CDK13: variants seen among roughly 807,000 people sequenced by gnomAD.
The protein encoded by CDK13 is cyclin-dependent kinase 13.
In CDK13, 40 loss-of-function variants were observed where a neutral mutation model predicts 137.6. The ratio of observed to expected loss-of-function variants is 0.29; its 90% CI spans 0.23 to 0.38. The LOEUF is 0.38. Among genes scored for constraint, CDK13 ranks in the 10% least tolerant of loss-of-function variants. The probability of loss-of-function intolerance (pLI) is 1.00; values close to 1 mark genes in which losing one functional copy is unlikely to be tolerated. For missense variants in CDK13, 1,704 were observed against 1,951.8 expected (o/e 0.87, Z 2.39); for synonymous variants, 869 against 760.1 (o/e 1.14, Z -2.36).
chr7:39,989,498 C>G (rs947661423), intron 2 of CDK13, among the ~76,000 whole-genome samples: 3 of 151,780 alleles, frequency 2.0e-5, no homozygotes, highest in Non-Finnish European at 2.9e-5. Context: ...TTAACACAAA[C>G]AAAAGTGAAA....
chr7:40,017,708 A>G (rs1024025288), intron 5 of CDK13, among the ~76,000 whole-genome samples: 3 of 151,782 alleles, frequency 2.0e-5, no homozygotes, highest in Non-Finnish European at 2.9e-5. Context: ...TTAAATCTTT[A>G]AATATGGTCA....
At chr7:40,000,990 A>T (rs1230087206) in intron 4 of CDK13, among the ~76,000 whole-genome samples, 1 of 152,130 alleles carries the variant, frequency 6.6e-6, no homozygotes, top group African/African-American at 2.4e-5. Flanking sequence ...GGAAGAACAT[A>T]TATTTTTGAG....
intron 6 of CDK13, among the ~76,000 whole-genome samples, chr7:40,046,418 C>G (rs533341287): frequency 6.6e-6 from 1 of 152,030 alleles, no homozygotes; most frequent in Admixed American, 6.6e-5. Context: ...TAGAGACGGG[C>G]GGATCACTTG....
At chr7:40,020,367 C>G (rs1056827101) in intron 5 of CDK13, among the ~76,000 whole-genome samples, 1 of 152,184 alleles carries the variant, frequency 6.6e-6, no homozygotes, top group Non-Finnish European at 1.5e-5. Context: ...TGCACCCGGC[C>G]CAAATTGTTT....
chr7:40,023,028 A>G (rs1327766274), intron 5 of CDK13, among the ~76,000 whole-genome samples: 1 of 151,788 alleles, frequency 6.6e-6, no homozygotes, highest in Non-Finnish European at 1.5e-5. Context: ...TTCTGAAATT[A>G]TCTTCCTTAG....
intron 12 of CDK13, among the ~76,000 whole-genome samples, chr7:40,090,639 C>T (rs192800636): frequency 1.6e-4 from 25 of 151,608 alleles, no homozygotes; most frequent in Non-Finnish European, 3.1e-4. Context: ...AATCCCAGCA[C>T]TCTGGGAGGC....
chr7:40,052,784 A>G (rs547478710), intron 7 of CDK13, among the ~76,000 whole-genome samples: 3 of 152,276 alleles, frequency 2.0e-5, no homozygotes, highest in South Asian at 4.1e-4. Flanking sequence ...TTTGTGTTTT[A>G]TGTTCCCTAA....
intron 1 of CDK13, among the ~76,000 whole-genome samples, chr7:39,979,919 TGTAGACAGC>T (rs1056010168): frequency 7.9e-5 from 12 of 152,132 alleles, no homozygotes; most frequent in African/African-American, 2.9e-4. Context: ...AGCCAAGGAA[TGTAGACAGC>T]CTGTGGAAGC....
intron 1 of CDK13, among the ~76,000 whole-genome samples, chr7:39,969,739 T>G (rs902479516): frequency 1.3e-5 from 2 of 152,184 alleles, no homozygotes; most frequent in African/African-American, 4.8e-5. Flanking sequence ...CATTGTGGTT[T>G]TATTTGCAAT....
chr7:40,048,337 C>CA (rs1293335557), intron 7 of CDK13: 1 of 152,072 alleles, frequency 6.6e-6, no homozygotes, highest in African/African-American at 2.4e-5. Context: ...GTATAAGACA[C>CA]AAAAATGTAG....
Position 40,039,434 on chromosome 7 carries a change from A to ATTTTTTTTTTTTTTTTTTTTTTTTTTT in CDK13, c.2354-6379_2354-6378insTTTTTTTTTTTTTTTTTTTTTTTTTTT, listed in dbSNP as rs976319927. On this transcript the variant is annotated intron_variant, in intron 5 of 13. Coordinates refer to ENST00000181839, the MANE Select transcript of CDK13 (RefSeq NM_003718.5). ...AGGTGCCCACGACCATGCCCGGCTA[A>ATTTTTTTTTTTTTTTTTTTTTTTTTTT]TTTTTTTTTTTTTTTTTTTTTTTGC... Among the ~76,000 whole-genome samples the ATTTTTTTTTTTTTTTTTTTTTTTTTTT allele has an allele frequency of 9.4e-5, 8 of 84,998 alleles. 2 individuals are homozygous for ATTTTTTTTTTTTTTTTTTTTTTTTTTT. Among genetic ancestry groups the ATTTTTTTTTTTTTTTTTTTTTTTTTTT allele is most frequent in the African/African-American group, 4.4e-4 (8 of 18,012 alleles). 55.8% of individuals were successfully genotyped at this position (84,998 alleles called of 152,430 possible). A position where few individuals can be genotyped will look rare whatever the true frequency, so the allele number is the denominator to read the frequency against.
In CDK13 at chr7:40,097,207, G is replaced by A. The variant is rs559906242; in HGVS notation, c.*2227G>A. 1 of 152,132 alleles carries A rather than the reference G, an allele frequency of 6.6e-6. No individual in the cohort carries two copies. Among genetic ancestry groups the A allele is most frequent in the South Asian group, 2.1e-4 (1 of 4,826 alleles). 9.4% of individuals were successfully genotyped at this position (152,132 alleles called of 1,614,324 possible). A position where few individuals can be genotyped will look rare whatever the true frequency, so the allele number is the denominator to read the frequency against. Reference sequence around the variant, plus strand: ...TGTTGGGAGAGTGGCTGGGAGGACAGGGAAATTGTTGCTTTGACATTGAAA... The same window carrying A: ...TGTTGGGAGAGTGGCTGGGAGGACAAGGAAATTGTTGCTTTGACATTGAAA... On this transcript the variant is annotated 3_prime_UTR_variant, in exon 14 of 14. Transcript: ENST00000181839.
chr7:40,090,208 T>G (rs545469306), intron 12 of CDK13, among the ~76,000 whole-genome samples: 1 of 152,350 alleles, frequency 6.6e-6, no homozygotes, highest in Admixed American at 6.5e-5. Flanking sequence ...ATGGAACTGA[T>G]GTCTTAAACT....
rs538441115 is a variant in CDK13, at chr7:39,952,041, C to G, written c.1211+189C>G. The G allele has an allele frequency of 2.0e-5, 9 of 453,938 alleles. No homozygotes were observed. In the South Asian group the frequency reaches 9.7e-4, roughly 49 times the overall value. 28.1% of individuals were successfully genotyped at this position (453,938 alleles called of 1,614,324 possible). Reference sequence around the variant, plus strand: ...ACACTTTTTTAGGGGGTCGAAGGGACAAAGCAACTGGGCGAAGGGAACTTT... The same window carrying G: ...ACACTTTTTTAGGGGGTCGAAGGGAGAAAGCAACTGGGCGAAGGGAACTTT... On this transcript the variant is annotated intron_variant, in intron 1 of 13. Coordinates refer to ENST00000181839, the MANE Select transcript of CDK13 (RefSeq NM_003718.5).
chr7:40,097,466 TTTTAA>T lies in CDK13; in HGVS notation c.*2489_*2493del, dbSNP rs1787072387. On this transcript the variant is annotated 3_prime_UTR_variant, in exon 14 of 14. Coordinates refer to ENST00000181839, the MANE Select transcript of CDK13 (RefSeq NM_003718.5). Reference sequence around the variant, plus strand: ...ATGCTTCCCTTCATAGCATTTAATATTTTAATTCAGTGAATTTGGATTAATAGAAC... The same window carrying T: ...ATGCTTCCCTTCATAGCATTTAATATTTCAGTGAATTTGGATTAATAGAAC... The T allele has an allele frequency of 6.6e-6, 1 of 152,120 alleles. No homozygotes were observed. Among genetic ancestry groups the T allele is most frequent in the Admixed American group, 6.5e-5 (1 of 15,274 alleles). The allele number at this position is 152,120 out of a possible 1,614,324, so 9.4% of individuals were successfully genotyped here.
chr7:39,971,958 G>A (rs1172975277), intron 1 of CDK13, among the ~76,000 whole-genome samples: 1 of 152,160 alleles, frequency 6.6e-6, no homozygotes, highest in African/African-American at 2.4e-5. Flanking sequence ...TATTAATAAG[G>A]TCTGGTAATA....
Position 40,095,136 on chromosome 7 carries a change from A to C in CDK13, c.*156A>C. On this transcript the variant is annotated 3_prime_UTR_variant, in exon 14 of 14. Coordinates refer to ENST00000181839, the MANE Select transcript of CDK13 (RefSeq NM_003718.5). ...TTGCATACAATAGTTTAAAAAAGACAAAAAAAACCTTTGCTTAAATTCATG... is the reference window on the plus strand; with the variant it reads ...TTGCATACAATAGTTTAAAAAAGACCAAAAAAACCTTTGCTTAAATTCATG... 7.2e-6 allele frequency: 4 copies of C among 554,874 alleles called. No individual in the cohort carries two copies. Among genetic ancestry groups the C allele is most frequent in the Non-Finnish European group, 1.1e-5 (4 of 364,138 alleles). 34.4% of individuals were successfully genotyped at this position (554,874 alleles called of 1,614,324 possible).
chr7:39,979,879 A>C (rs1163720349), intron 1 of CDK13, among the ~76,000 whole-genome samples: 1 of 152,126 alleles, frequency 6.6e-6, no homozygotes, highest in African/African-American at 2.4e-5. Context: ...GTCATGATGA[A>C]AGTAGAGGCC....
At chr7:40,069,490 G>T in intron 9 of CDK13, 1 of 326,196 alleles carries the variant, frequency 3.1e-6, no homozygotes, top group Non-Finnish European at 6.2e-6. Flanking sequence ...AAAAGTAAAA[G>T]AGGACTGATA....
Sources: allele counts gnomAD v4.1 joint callset (sites outside exome capture counted in the v4.1 genomes callset), GRCh38; gene constraint gnomAD v4.1.1; transcripts MANE v1.5; gene names NCBI Gene and HGNC (gene_info 2026-07-23, HGNC 2026-07-21).